Variants in SHTN1 observed in about 807,000 individuals in gnomAD.
SHTN1 encodes the protein shootin 1.
SHTN1 carries 42 observed loss-of-function variants against 83.1 expected under a neutral mutation model. The observed-to-expected ratio is 0.51, with a 90% CI of 0.39 to 0.65. The LOEUF is 0.65. Among genes scored for constraint, SHTN1 ranks in the 30% least tolerant of loss-of-function variants. The pLI is 0.00. For missense variants in SHTN1, 622 were observed against 737.8 expected, an observed-to-expected ratio of 0.84 and a Z score of 1.82; for synonymous variants, 224 against 247.7, an observed-to-expected ratio of 0.90 and a Z score of 0.90.
At chr10:117,119,541 C>T (rs1431425247) in intron 1 of SHTN1, among the ~76,000 whole-genome samples, 1 of 152,108 alleles carries the variant, frequency 6.6e-6, no homozygotes, top group African/African-American at 2.4e-5. Flanking sequence ...ATAAGCAATA[C>T]CAAATACTGG....
intron 1 of SHTN1, among the ~76,000 whole-genome samples, chr10:117,120,485 T>G (rs924787128): frequency 1.3e-5 from 2 of 152,156 alleles, no homozygotes; most frequent in Non-Finnish European, 2.9e-5. Context: ...CCTGACCTTG[T>G]GATCCGCCTC....
intron 7 of SHTN1, among the ~76,000 whole-genome samples, chr10:116,947,931 A>C (rs1849648069): frequency 6.6e-6 from 1 of 152,208 alleles, no homozygotes; most frequent in Non-Finnish European, 1.5e-5. Context: ...TTTAACTACA[A>C]GGTCCTTTAT....
At chr10:116,932,440 T>C (rs997055428) in intron 9 of SHTN1, among the ~76,000 whole-genome samples, 3 of 152,134 alleles carry the variant, frequency 2.0e-5, no homozygotes, top group Non-Finnish European at 4.4e-5. Context: ...TCTGAGGTGG[T>C]ACAGTTTCAT....
intron 1 of SHTN1, among the ~76,000 whole-genome samples, chr10:117,072,645 AC>A (rs1459476860): frequency 2.0e-5 from 3 of 152,234 alleles, no homozygotes; most frequent in Non-Finnish European, 2.9e-5. Context: ...TCAGGAAGTG[AC>A]ATCCATAGGA....
At chr10:117,029,319 T>C (rs1852373135) in intron 2 of SHTN1, among the ~76,000 whole-genome samples, 1 of 152,202 alleles carries the variant, frequency 6.6e-6, no homozygotes, top group African/African-American at 2.4e-5. Context: ...TTTACAGGCT[T>C]ATATGGGGAA....
At chr10:116,979,560 C>T (rs567461038) in intron 1 of SHTN1, among the ~76,000 whole-genome samples, 4 of 152,232 alleles carry the variant, frequency 2.6e-5, no homozygotes, top group Non-Finnish European at 5.9e-5. Context: ...AGTGCGATTA[C>T]AGGCACGAGT....
chr10:116,914,872 A>G (rs1410576024), intron 13 of SHTN1, among the ~76,000 whole-genome samples: 1 of 152,152 alleles, frequency 6.6e-6, no homozygotes, highest in African/African-American at 2.4e-5. Flanking sequence ...AAATTAATGA[A>G]AAACAATCAT....
intron 1 of SHTN1, among the ~76,000 whole-genome samples, chr10:117,048,846 G>A (rs570153108): frequency 1.3e-5 from 2 of 152,288 alleles, no homozygotes; most frequent in Admixed American, 1.3e-4. Context: ...ATTGGACTTT[G>A]CCCTCTTTAA....
rs1853625781 is a variant in SHTN1, at chr10:117,103,483, C to T, written c.-189+22824G>A. On this transcript the variant is annotated intron_variant, in intron 1 of 17. Transcript: ENST00000392901. ...CCTTAGCGGTTATGGGTCTTGAGAG[C>T]TACTCTTTCTTTTTCCTTTCCTTTC... Among the ~76,000 whole-genome samples the T allele has an allele frequency of 3.3e-5, 5 of 150,586 alleles. No homozygotes were observed. In the South Asian group the frequency reaches 1.1e-3, roughly 32 times the overall value.
intron 1 of SHTN1, among the ~76,000 whole-genome samples, chr10:117,054,344 A>G (rs945153268): frequency 6.6e-6 from 1 of 152,038 alleles, no homozygotes; most frequent in East Asian, 1.9e-4. Context: ...TAGGACATCA[A>G]TCTTGCTAAA....
At chr10:117,044,325 T>G (rs1213545966) in intron 2 of SHTN1, among the ~76,000 whole-genome samples, 4 of 152,136 alleles carry the variant, frequency 2.6e-5, no homozygotes, top group African/African-American at 7.2e-5. Flanking sequence ...ATTATCACAT[T>G]GATTTACCTT....
At chr10:116,920,663 G>A (rs1438425099) in intron 12 of SHTN1, among the ~76,000 whole-genome samples, 1 of 151,920 alleles carries the variant, frequency 6.6e-6, no homozygotes, top group East Asian at 1.9e-4. Context: ...AATTTCTACT[G>A]CTCTTAGGAG....
intron 3 of SHTN1, among the ~76,000 whole-genome samples, chr10:116,962,945 C>A (rs1850234960): frequency 6.6e-6 from 1 of 151,110 alleles, no homozygotes; most frequent in Non-Finnish European, 1.5e-5. Context: ...AAAGCATGAC[C>A]CCATTTCCAA....
intron 2 of SHTN1, chr10:116,973,940 A>C (rs1272518879): frequency 7.1e-6 from 9 of 1,269,672 alleles, no homozygotes; most frequent in Non-Finnish European, 9.2e-6. Flanking sequence ...CCACCTATGT[A>C]AGTCTGGCCA....
chr10:117,079,216 G>C (rs1319127215), intron 1 of SHTN1, among the ~76,000 whole-genome samples: 1 of 129,466 alleles, frequency 7.7e-6, no homozygotes, highest in Non-Finnish European at 1.6e-5. Flanking sequence ...TCCCCAGAGT[G>C]TGATGTTCCC....
intron 13 of SHTN1, among the ~76,000 whole-genome samples, chr10:116,914,797 G>C (rs1267669169): frequency 6.6e-6 from 1 of 152,202 alleles, no homozygotes; most frequent in Non-Finnish European, 1.5e-5. Context: ...AGATCCTGGA[G>C]TGCTCGCTGT....
At chr10:116,915,838 A>C (rs1848363735) in intron 12 of SHTN1, among the ~76,000 whole-genome samples, 1 of 152,186 alleles carries the variant, frequency 6.6e-6, no homozygotes, top group Admixed American at 6.5e-5. Context: ...TTTGTCTCAA[A>C]GATGTTTTTA....
In SHTN1 at chr10:116,969,773, A is replaced by T. The variant is rs1589854707; in HGVS notation, c.112-1061T>A. On this transcript the variant is annotated intron_variant, in intron 2 of 16. Transcript: ENST00000355371. ...CTGGAGGCATTAATGAATTTTTTTA[A>T]AAAACCTAATGTTTATTATTATAAG... Among the ~76,000 whole-genome samples, 4 of 152,330 alleles carry T rather than the reference A, an allele frequency of 2.6e-5. No homozygotes were observed. In the East Asian group the frequency reaches 7.7e-4, roughly 29 times the overall value.
At chr10:117,119,024 T>C (rs1180028877) in intron 1 of SHTN1, among the ~76,000 whole-genome samples, 1 of 152,178 alleles carries the variant, frequency 6.6e-6, no homozygotes, top group African/African-American at 2.4e-5. Context: ...ATCCTGTCAT[T>C]TGCAGCACCA....
Sources: gnomAD v4.1 joint callset for allele counts (sites outside exome capture counted in the v4.1 genomes callset) on GRCh38, gnomAD v4.1.1 for gene constraint, MANE v1.5 for transcripts, NCBI Gene and HGNC (gene_info 2026-07-23, HGNC 2026-07-21) for gene names.